Variants in ADGRV1 observed in about 807,000 individuals in gnomAD.
ADGRV1 encodes the protein adhesion G protein-coupled receptor V1.
A neutral mutation model predicts 596.2 loss-of-function variants in ADGRV1; 359 were observed. The ratio of observed to expected loss-of-function variants is 0.60; its 90% CI spans 0.55 to 0.66. ADGRV1 has a LOEUF of 0.66. ADGRV1 is among the 30% of genes least tolerant of loss of function. ADGRV1 has a pLI of 0.00. For synonymous variants in ADGRV1, 2,681 were observed against 2,679.2 expected (o/e 1.00, Z -0.02); for missense variants, 7,274 against 7,575.6 (o/e 0.96, Z 1.48).
chr5:91,008,220 A>G (rs1313211087), intron 85 of ADGRV1, among the ~76,000 whole-genome samples: 1 of 152,170 alleles, frequency 6.6e-6, no homozygotes, highest in African/African-American at 2.4e-5. Flanking sequence ...AATGTTTAAC[A>G]GCTGACTTCC....
intron 82 of ADGRV1, among the ~76,000 whole-genome samples, chr5:90,862,463 C>CATAA (rs1410377824): frequency 6.6e-6 from 1 of 152,110 alleles, no homozygotes; most frequent in Non-Finnish European, 1.5e-5. Context: ...CTTTTATCAT[C>CATAA]CTAGGGAATT....
At chr5:91,127,821 G>A (rs1793898349) in intron 87 of ADGRV1, among the ~76,000 whole-genome samples, 1 of 152,130 alleles carries the variant, frequency 6.6e-6, no homozygotes, top group South Asian at 2.1e-4. Context: ...CAGACCAGCA[G>A]TGCTGTTGAT....
In ADGRV1 at chr5:90,778,018, A is replaced by G. The variant is rs1758428874; in HGVS notation, c.12641A>G (p.Gln4214Arg). ...GGAAAACTGACAATGCGAGACGAAC[A>G]GTCTGCAGTCATTGTAGTAATACAG... ...TSGKLTMRDE[Q>R]SAVIVVIQAL... is the part of the protein sequence containing the mutation. Residue 4214 changes from glutamine to arginine, a missense_variant, in exon 62 of 90, where the codon CAG becomes CGG. This residue lies in a region of ADGRV1 where 3,643 missense variants were observed against 3,809.2 expected (regional missense o/e 0.96). Transcript: ENST00000405460. 6.3e-7 allele frequency: 1 copy of G among 1,581,376 alleles called. No homozygotes were observed. The highest frequency in any genetic ancestry group is 1.1e-5 in the South Asian group (1 of 87,034).
At chr5:90,755,225 A>G in intron 55 of ADGRV1, 40 bp downstream of exon 55, 1 of 1,354,710 alleles carries the variant, frequency 7.4e-7, no homozygotes, top group Admixed American at 2.2e-5. Context: ...AAAATAGAGG[A>G]AAATTCTCTT....
In ADGRV1 at chr5:90,728,949, A is replaced by G; in HGVS notation, c.10426+16A>G. On this transcript the variant is annotated intron_variant, in intron 49 of 89. Coordinates refer to ENST00000405460, the MANE Select transcript of ADGRV1 (RefSeq NM_032119.4). ...GTCTTTCTAGGTGAGAAGATAAAGT[A>G]TTTGTAGTGTATATATAATTATTGA... 6.5e-7 allele frequency: 1 copy of G among 1,535,070 alleles called. No homozygotes were observed. The highest frequency in any genetic ancestry group is 1.1e-5 in the South Asian group (1 of 87,226).
In ADGRV1 at chr5:90,783,222, A is replaced by G; in HGVS notation, c.13330A>G (p.Ser4444Gly). 1 of 1,613,690 alleles carries G rather than the reference A, an allele frequency of 6.2e-7. No homozygotes were observed. The highest frequency in any genetic ancestry group is 8.5e-7 in the Non-Finnish European group (1 of 1,179,634). The change falls in exon 66 of 90, where the codon AGT (serine) becomes GGT (glycine). Residue 4444 changes from serine (S) to glycine (G), a missense_variant. By Grantham distance (56) the Ser-to-Gly change is moderately conservative. Around this residue, in one of 5 missense-constraint regions of ADGRV1, gnomAD observed 3,643 missense variants for 3,809.2 expected, o/e 0.96. Coordinates refer to ENST00000405460, the MANE Select transcript of ADGRV1 (RefSeq NM_032119.4). ...TTTCATCTCTCAGAGCTCCTCTGCC[A>G]GTCCCGGAGGTGTTGATTACATTTT... ...ADFISQSSSASPGGVDYILHG... is the reference protein window; with the variant it reads ...ADFISQSSSAGPGGVDYILHG...
intron 22 of ADGRV1, 50 bp downstream of exon 22, chr5:90,672,772 C>G (rs753612137): frequency 2.9e-6 from 4 of 1,370,642 alleles, no homozygotes; most frequent in Admixed American, 2.2e-5. Flanking sequence ...AAAGCTTTTC[C>G]TGAAGTGTTT....
intron 85 of ADGRV1, among the ~76,000 whole-genome samples, chr5:91,069,181 A>G (rs1406232657): frequency 6.6e-6 from 1 of 152,194 alleles, no homozygotes; most frequent in Non-Finnish European, 1.5e-5. Flanking sequence ...CTACAACTAT[A>G]AAACTCCCCA....
intron 21 of ADGRV1, among the ~76,000 whole-genome samples, chr5:90,670,543 A>G (rs1418175826): frequency 6.6e-6 from 1 of 152,166 alleles, no homozygotes; most frequent in Non-Finnish European, 1.5e-5. Flanking sequence ...GTGTTTCCCA[A>G]AAGGTTCTCA....
rs143408720 is a variant in ADGRV1 at position 90,703,229 on chromosome 5, G to T, written c.8156-436G>T. Among the ~76,000 whole-genome samples the T allele has an allele frequency of 2.6e-3, 403 of 152,148 alleles. 1 individual carries two copies. The highest frequency in any genetic ancestry group is 3.8e-3 in the Non-Finnish European group (257 of 67,882). On this transcript the variant is annotated intron_variant, in intron 34 of 89. Transcript: ENST00000405460. ...AAATGTGATTTTCAGGTATTTGCAAGCATTTTTATGCATGCATTGTGTAAA... is the reference window on the plus strand; with the variant it reads ...AAATGTGATTTTCAGGTATTTGCAATCATTTTTATGCATGCATTGTGTAAA...
intron 77 of ADGRV1, among the ~76,000 whole-genome samples, chr5:90,831,265 A>G (rs1764499020): frequency 6.7e-6 from 1 of 150,178 alleles, no homozygotes; most frequent in South Asian, 2.1e-4. Context: ...ACACATACGT[A>G]TATATACATA....
chr5:90,943,907 T>C (rs533272972), intron 83 of ADGRV1, among the ~76,000 whole-genome samples: 5 of 152,144 alleles, frequency 3.3e-5, no homozygotes, highest in African/African-American at 7.2e-5. Context: ...AGATTCTATT[T>C]CCAAATAAAG....
intron 83 of ADGRV1, among the ~76,000 whole-genome samples, chr5:90,942,748 G>A (rs1776262650): frequency 6.6e-6 from 1 of 152,134 alleles, no homozygotes; most frequent in Non-Finnish European, 1.5e-5. Flanking sequence ...CTGAACGATT[G>A]TGTGAAGTAC....
intron 21 of ADGRV1, among the ~76,000 whole-genome samples, chr5:90,666,037 C>A (rs929471215): frequency 1.3e-4 from 20 of 151,490 alleles, no homozygotes; most frequent in Admixed American, 5.3e-4. Context: ...CTTCCAAGTA[C>A]GTGGTCAATT....
intron 85 of ADGRV1, among the ~76,000 whole-genome samples, chr5:90,987,847 T>G (rs1335420982): frequency 6.6e-6 from 1 of 152,136 alleles, no homozygotes; most frequent in Non-Finnish European, 1.5e-5. Flanking sequence ...CTAAGAATTT[T>G]TAAAAATGCC....
rs1370184769 is a variant in ADGRV1 at position 90,652,566 on chromosome 5, A to C, written c.3634+3A>C. The C allele has an allele frequency of 6.4e-7, 1 of 1,563,800 alleles. No homozygotes were observed. The highest frequency in any genetic ancestry group is 8.8e-7 in the Non-Finnish European group (1 of 1,141,942). On this transcript the variant is annotated splice_donor_region_variant and intron_variant, in intron 19 of 89. Coordinates refer to ENST00000405460, the MANE Select transcript of ADGRV1 (RefSeq NM_032119.4). The stretch of plus-strand genomic sequence containing the variant: ...CCTAAAACTTGTAAACATTTCAGGT[A>C]CTGTGTTTTTCCATGTCTTATTTTA...
intron 85 of ADGRV1, among the ~76,000 whole-genome samples, chr5:91,031,480 G>A (rs1326137061): frequency 6.6e-6 from 1 of 152,154 alleles, no homozygotes; most frequent in Non-Finnish European, 1.5e-5. Context: ...GCATTTCAGA[G>A]AAAGCCACCA....
intron 79 of ADGRV1, among the ~76,000 whole-genome samples, chr5:90,851,250 A>G (rs1485322541): frequency 1.3e-5 from 2 of 151,898 alleles, no homozygotes; most frequent in Non-Finnish European, 2.9e-5. Context: ...AAGAAATAGG[A>G]AAACCACATA....
chr5:90,999,286 A>G (rs1322009656), intron 85 of ADGRV1, among the ~76,000 whole-genome samples: 1 of 151,936 alleles, frequency 6.6e-6, no homozygotes, highest in Non-Finnish European at 1.5e-5. Context: ...TAATTATTTT[A>G]AATATTTTGT....
Sources: gnomAD v4.1 joint callset for allele counts (sites outside exome capture counted in the v4.1 genomes callset) on GRCh38, gnomAD v4.1.1 for gene constraint, gnomAD v4.1.1 regional missense constraint, MANE v1.5 for transcripts, NCBI Gene and HGNC (gene_info 2026-07-23, HGNC 2026-07-21) for gene names.